The following SNX29 variants were observed in gnomAD, a reference collection of about 807,000 sequenced individuals.
SNX29 encodes the protein sorting nexin-29.
SNX29 carries 78 observed loss-of-function variants against 102.1 expected under a neutral mutation model. The ratio of observed to expected loss-of-function variants is 0.76; its 90% CI spans 0.64 to 0.92. SNX29 has a LOEUF of 0.92. Among genes scored for constraint, SNX29 ranks in the 40% least tolerant of loss-of-function variants. The probability of loss-of-function intolerance (pLI) is 0.00; values close to 1 mark genes in which losing one functional copy is unlikely to be tolerated. For missense variants in SNX29, 1,280 were observed against 1,061.7 expected, an observed-to-expected ratio of 1.21 and a Z score of -2.86; for synonymous variants, 580 against 414.5, an observed-to-expected ratio of 1.40 and a Z score of -4.85.
chr16:12,193,591 GATTTTCTCCAAC>G (rs1448729665), intron 13 of SNX29, among the ~76,000 whole-genome samples: 4 of 152,090 alleles, frequency 2.6e-5, no homozygotes, highest in Non-Finnish European at 5.9e-5. Context: ...GGTTAGGTAT[GATTTTCTCCAAC>G]ATTTTCTTCT....
chr16:12,044,351 A>G (rs188283796), intron 5 of SNX29, among the ~76,000 whole-genome samples: 1 of 151,942 alleles, frequency 6.6e-6, no homozygotes, highest in African/African-American at 2.4e-5. Flanking sequence ...ATCTTCTGGG[A>G]TTGTGCACTG....
intron 9 of SNX29, among the ~76,000 whole-genome samples, chr16:12,068,497 CAAA>C (rs150995842): frequency 9.1e-5 from 8 of 87,448 alleles, no homozygotes; most frequent in Admixed American, 5.4e-4. Context: ...GACCCTGTCT[CAAA>C]AAAAAAAAAA....
Position 12,403,023 on chromosome 16 carries a change from G to C in SNX29, c.1956-425G>C, listed in dbSNP as rs146718760. Among the ~76,000 whole-genome samples the C allele has an allele frequency of 4.4e-3, 677 of 152,290 alleles. 4 individuals are homozygous for C. Among genetic ancestry groups the C allele is most frequent in the Middle Eastern group, 0.017 (5 of 294 alleles). ...AGTGAGGAGGCAGCGTGACTGCTGG[G>C]TGCTCCAGAAACGCTGGGCATTGCT... On this transcript the variant is annotated intron_variant, in intron 17 of 20. Coordinates refer to ENST00000566228, the MANE Select transcript of SNX29 (RefSeq NM_032167.5).
At chr16:12,095,721 T>G (rs889353272) in intron 11 of SNX29, among the ~76,000 whole-genome samples, 13 of 152,202 alleles carry the variant, frequency 8.5e-5, no homozygotes, top group Non-Finnish European at 1.8e-4. Flanking sequence ...CCCCTTTTTT[T>G]GGGGCTGGGG....
intron 11 of SNX29, among the ~76,000 whole-genome samples, chr16:12,097,624 A>T (rs1235285755): frequency 6.6e-6 from 1 of 151,162 alleles, no homozygotes; most frequent in Non-Finnish European, 1.5e-5. Context: ...AACAGCTCAG[A>T]CTCTTAATTT....
chr16:12,145,507 C>T (rs1441738584), intron 13 of SNX29, among the ~76,000 whole-genome samples: 1 of 152,106 alleles, frequency 6.6e-6, no homozygotes, highest in Middle Eastern at 3.2e-3. Flanking sequence ...ATTTTTCCCC[C>T]CTGCATATGA....
At chr16:12,231,482 G>C (rs2077766530) in intron 14 of SNX29, among the ~76,000 whole-genome samples, 1 of 152,038 alleles carries the variant, frequency 6.6e-6, no homozygotes, top group Admixed American at 6.6e-5. Flanking sequence ...TGATATTCCA[G>C]CTAGTGGATA....
At position 12,343,200 on chromosome 16, in the gene SNX29, C is replaced by T. The variant is rs555160097; in HGVS notation, c.1783-12963C>T. ...GACATGAGAACACGACAAAGAGCCA[C>T]ATAATTTCAGAATTCACATCTTTAT... On this transcript the variant is annotated intron_variant, in intron 15 of 20. Coordinates refer to ENST00000566228, the MANE Select transcript of SNX29 (RefSeq NM_032167.5). Among the ~76,000 whole-genome samples the T allele has an allele frequency of 4.6e-5, 7 of 152,334 alleles. No homozygotes were observed. In the East Asian group the frequency reaches 5.8e-4, roughly 13 times the overall value.
chr16:12,136,931 G>C (rs986207201), intron 13 of SNX29, among the ~76,000 whole-genome samples: 1 of 152,082 alleles, frequency 6.6e-6, no homozygotes, highest in Admixed American at 6.5e-5. Flanking sequence ...GTAGAGATGG[G>C]GTTTCACCAT....
chr16:12,345,796 T>G (rs930975195), intron 15 of SNX29, among the ~76,000 whole-genome samples: 2 of 152,214 alleles, frequency 1.3e-5, no homozygotes, highest in Admixed American at 6.5e-5. Flanking sequence ...TTGAAATGTT[T>G]TCTGCCCTCT....
At chr16:12,289,983 G>A (rs1202159043) in intron 15 of SNX29, among the ~76,000 whole-genome samples, 2 of 152,198 alleles carry the variant, frequency 1.3e-5, no homozygotes, top group East Asian at 3.9e-4. Flanking sequence ...CACTGGCAGT[G>A]TGGAGCTGGA....
chr16:11,992,893 G>A (rs1328185646), intron 1 of SNX29, among the ~76,000 whole-genome samples: 1 of 152,172 alleles, frequency 6.6e-6, no homozygotes, highest in Non-Finnish European at 1.5e-5. Context: ...TGGGCGTGGG[G>A]GCTCACGCCT....
intron 16 of SNX29, among the ~76,000 whole-genome samples, chr16:12,359,647 CT>C (rs2082245061): frequency 1.3e-5 from 2 of 152,220 alleles, no homozygotes; most frequent in African/African-American, 4.8e-5. Context: ...GTCCCTATCA[CT>C]CGGCCTCAGT....
At chr16:11,977,954 A>T (rs1419265187) in intron 1 of SNX29, 1 of 152,246 alleles carries the variant, frequency 6.6e-6, no homozygotes, top group African/African-American at 2.4e-5. Context: ...CCCTGCATCC[A>T]GCCGTCCTGG....
intron 20 of SNX29, among the ~76,000 whole-genome samples, chr16:12,530,949 T>A (rs752808975): frequency 6.6e-6 from 1 of 152,242 alleles, no homozygotes; most frequent in Non-Finnish European, 1.5e-5. Flanking sequence ...ACCCTTGCTC[T>A]ACTTGAACAG....
At chr16:12,303,057 G>C (rs1785646640) in intron 15 of SNX29, among the ~76,000 whole-genome samples, 1 of 152,206 alleles carries the variant, frequency 6.6e-6, no homozygotes, top group South Asian at 2.1e-4. Context: ...ATAAAAGGCA[G>C]AAACAAATGC....
At chr16:12,505,346 C>G (rs1229509501) in intron 19 of SNX29, among the ~76,000 whole-genome samples, 2 of 151,920 alleles carry the variant, frequency 1.3e-5, no homozygotes, top group South Asian at 2.1e-4. Context: ...TATTCGGTGT[C>G]TGGTGAGGGC....
intron 14 of SNX29, among the ~76,000 whole-genome samples, chr16:12,247,844 C>T (rs2078304110): frequency 6.6e-6 from 1 of 152,182 alleles, no homozygotes; most frequent in East Asian, 1.9e-4. Context: ...GCTTCTTAGT[C>T]CAACCCTGCA....
intron 15 of SNX29, among the ~76,000 whole-genome samples, chr16:12,303,186 C>A (rs2080233137): frequency 1.3e-5 from 2 of 151,408 alleles, no homozygotes; most frequent in Admixed American, 1.3e-4. Flanking sequence ...CACATAGTTG[C>A]TTTTGTTTTT....
Sources: allele counts gnomAD v4.1 joint callset (sites outside exome capture counted in the v4.1 genomes callset), GRCh38; gene constraint gnomAD v4.1.1; transcripts MANE v1.5; gene names NCBI Gene and HGNC (gene_info 2026-07-23, HGNC 2026-07-21).